Variants in NLGN1 observed in about 807,000 individuals in gnomAD.
The protein encoded by NLGN1 is neuroligin-1.
NLGN1 carries 12 observed loss-of-function variants against 65.5 expected under a neutral mutation model. That is an observed-to-expected ratio of 0.18 (90% confidence interval 0.12 to 0.30). NLGN1 has a LOEUF of 0.30. Ranked by LOEUF, NLGN1 falls within the 10% of genes least tolerant of loss-of-function variation. The pLI, the probability that NLGN1 is intolerant of heterozygous loss-of-function variation, is 1.00. For synonymous variants in NLGN1, 350 were observed against 359.5 expected (o/e 0.97, Z 0.30); for missense variants, 750 against 1,007.1 (o/e 0.74, Z 3.46).
intron 4 of NLGN1, among the ~76,000 whole-genome samples, chr3:174,260,395 T>G (rs2152857317): frequency 6.6e-6 from 1 of 151,288 alleles, no homozygotes; most frequent in African/African-American, 2.4e-5. Flanking sequence ...TGTGAGATGG[T>G]ATCTCATTGT....
chr3:173,445,247 G>A (rs1475987968), intron 2 of NLGN1, among the ~76,000 whole-genome samples: 1 of 130,426 alleles, frequency 7.7e-6, no homozygotes, highest in Non-Finnish European at 1.6e-5. Context: ...CAGCCTGGGC[G>A]ACAGAGCGAG....
chr3:173,867,295 C>G (rs544166967), intron 4 of NLGN1, among the ~76,000 whole-genome samples: 1 of 152,218 alleles, frequency 6.6e-6, no homozygotes, highest in East Asian at 1.9e-4. Flanking sequence ...TAGAGGCAAT[C>G]TTTGCCTATA....
At chr3:173,485,469 C>G in intron 2 of NLGN1, among the ~76,000 whole-genome samples, 1 of 152,082 alleles carries the variant, frequency 6.6e-6, no homozygotes, top group Non-Finnish European at 1.5e-5. Context: ...TTTTTCAAGT[C>G]CCATAAAAAA....
At chr3:173,738,793 G>T (rs1029620148) in intron 3 of NLGN1, among the ~76,000 whole-genome samples, 2 of 152,000 alleles carry the variant, frequency 1.3e-5, no homozygotes, top group Non-Finnish European at 2.9e-5. Context: ...CTGGAATTTT[G>T]ATTAAAATGT....
intron 4 of NLGN1, among the ~76,000 whole-genome samples, chr3:173,951,006 A>T (rs956433654): frequency 2.0e-5 from 3 of 151,862 alleles, no homozygotes; most frequent in Non-Finnish European, 4.4e-5. Flanking sequence ...AGGTGGGACT[A>T]CAGGAGTGCG....
Position 173,936,251 on chromosome 3 carries a change from C to T in NLGN1, c.646+128419C>T, listed in dbSNP as rs967167649. On this transcript the variant is annotated intron_variant, in intron 4 of 6. Transcript: ENST00000457714. ...AATTCAGTCTCTACATCTGCTTTCT[C>T]CTTAAGGGCACCATTTTTCATCTTA... 3.3e-5 allele frequency among the ~76,000 whole-genome samples: 5 copies of T among 151,952 alleles called. No homozygotes were observed. In the South Asian group the frequency reaches 1.0e-3, roughly 31 times the overall value.
At chr3:173,560,881 CACCCTAT>C (rs1742624182) in intron 2 of NLGN1, among the ~76,000 whole-genome samples, 1 of 152,194 alleles carries the variant, frequency 6.6e-6, no homozygotes, top group African/African-American at 2.4e-5. Flanking sequence ...TCTTTCTCTA[CACCCTAT>C]AAATAATATT....
chr3:173,698,458 C>T (rs1448670044), intron 3 of NLGN1, among the ~76,000 whole-genome samples: 1 of 152,142 alleles, frequency 6.6e-6, no homozygotes, highest in African/African-American at 2.4e-5. Flanking sequence ...ATTTATGCGC[C>T]TTCTACTAGT....
intron 2 of NLGN1, among the ~76,000 whole-genome samples, chr3:173,544,191 CAAAAAG>C (rs199939430): frequency 6.7e-6 from 1 of 148,176 alleles, no homozygotes; most frequent in African/African-American, 2.5e-5. Flanking sequence ...TGCCTTCTTC[CAAAAAG>C]AAAAAGAAAA....
intron 4 of NLGN1, among the ~76,000 whole-genome samples, chr3:174,062,048 T>G (rs551956330): frequency 3.9e-5 from 6 of 152,086 alleles, no homozygotes; most frequent in Admixed American, 2.6e-4. Flanking sequence ...ATGTGAATGC[T>G]TGGGGGGGAA....
chr3:173,450,854 C>T (rs580190), intron 2 of NLGN1, among the ~76,000 whole-genome samples: 15,446 of 152,194 alleles, frequency 0.1, 880 homozygotes, highest in Admixed American at 0.14. Context: ...TTGATCGCGT[C>T]GGTTACTGAG....
intron 4 of NLGN1, among the ~76,000 whole-genome samples, chr3:173,816,658 C>G (rs905412240): frequency 6.6e-6 from 1 of 152,248 alleles, no homozygotes; most frequent in Non-Finnish European, 1.5e-5. Context: ...CAAAAGCCCT[C>G]ATGAAGTGGT....
intron 3 of NLGN1, among the ~76,000 whole-genome samples, chr3:173,719,564 A>G (rs78369825): frequency 0.023 from 3,444 of 152,036 alleles, 123 homozygotes; most frequent in African/African-American, 0.079. Flanking sequence ...GTCGTGTTGC[A>G]TAGTGGAATT....
chr3:173,991,051 T>G (rs1413529999), intron 4 of NLGN1, among the ~76,000 whole-genome samples: 2 of 152,166 alleles, frequency 1.3e-5, no homozygotes, highest in African/African-American at 4.8e-5. Context: ...GAACCGATAT[T>G]GACACATTAT....
intron 2 of NLGN1, among the ~76,000 whole-genome samples, chr3:173,543,666 T>A (rs985910501): frequency 6.6e-6 from 1 of 152,136 alleles, no homozygotes; most frequent in Admixed American, 6.6e-5. Flanking sequence ...CTTGGATTTT[T>A]AAAAATAAAA....
At chr3:173,792,903 C>T (rs928778497) in intron 3 of NLGN1, among the ~76,000 whole-genome samples, 2 of 152,062 alleles carry the variant, frequency 1.3e-5, no homozygotes, top group Non-Finnish European at 2.9e-5. Flanking sequence ...TCGAAAACAT[C>T]AAAACTAGTG....
At chr3:173,423,139 C>T (rs1179576626) in intron 1 of NLGN1, among the ~76,000 whole-genome samples, 17 of 152,248 alleles carry the variant, frequency 1.1e-4, no homozygotes, top group South Asian at 1.0e-3. Context: ...CATCAGATCT[C>T]ACGAGAACTC....
intron 3 of NLGN1, among the ~76,000 whole-genome samples, chr3:173,779,215 A>G (rs1347858950): frequency 6.6e-6 from 1 of 151,924 alleles, no homozygotes; most frequent in Admixed American, 6.6e-5. Context: ...TTATTTTAAC[A>G]CTTTCAAATA....
Position 174,047,657 on chromosome 3 carries a change from A to T in NLGN1, c.647-227658A>T, listed in dbSNP as rs112091821. ...CATCCTACATACAGATACACATAGT[A>T]ATACGTGTTAAGTAAATATAAAAAA... On this transcript the variant is annotated intron_variant, in intron 4 of 6. Transcript: ENST00000457714. 7.3e-3 allele frequency among the ~76,000 whole-genome samples: 1,104 copies of T among 152,138 alleles called. 13 individuals are homozygous for T. Among genetic ancestry groups the T allele is most frequent in the African/African-American group, 0.025 (1,055 of 41,558 alleles).
Sources: allele counts gnomAD v4.1 joint callset (sites outside exome capture counted in the v4.1 genomes callset), GRCh38; gene constraint gnomAD v4.1.1; transcripts MANE v1.5; gene names NCBI Gene and HGNC (gene_info 2026-07-23, HGNC 2026-07-21).